TNNI3K: variants seen among roughly 807,000 people sequenced by gnomAD.
The protein encoded by TNNI3K is TNNI3 interacting kinase.
TNNI3K carries 140 observed loss-of-function variants against 114.5 expected under a neutral mutation model. The ratio of observed to expected loss-of-function variants is 1.22; its 90% CI spans 1.07 to 1.41. The LOEUF (loss-of-function observed/expected upper bound fraction) is 1.41, where lower values mean the gene tolerates loss of function less well. TNNI3K is among the 40% of genes most tolerant of loss of function. The pLI, the probability that TNNI3K is intolerant of heterozygous loss-of-function variation, is 0.00. For synonymous variants in TNNI3K, 347 were observed against 347.5 expected (o/e 1.00, Z 0.02); for missense variants, 1,125 against 1,007.6 (o/e 1.12, Z -1.58).
intron 23 of TNNI3K, among the ~76,000 whole-genome samples, chr1:74,532,260 T>C (rs1188559793): frequency 1.3e-5 from 2 of 152,164 alleles, no homozygotes; most frequent in East Asian, 1.9e-4. Flanking sequence ...AAAGTATCAT[T>C]TTTTTAAAGA....
At chr1:74,293,541 C>A (rs1017834076) in intron 5 of TNNI3K, among the ~76,000 whole-genome samples, 1 of 151,528 alleles carries the variant, frequency 6.6e-6, no homozygotes, top group Non-Finnish European at 1.5e-5. Context: ...TTTCTTGTTG[C>A]TAATGAATAA....
At chr1:74,417,682 TTGTGTGTGTGTGTGTGTG>T (rs10529693) in intron 17 of TNNI3K, among the ~76,000 whole-genome samples, 2,309 of 136,756 alleles carry the variant, frequency 0.017, 31 homozygotes, top group Middle Eastern at 0.03. Context: ...GTGTACGTGT[TTGTGTGTGTGTGTGTGTG>T]TGTGTGTGTG....
intron 17 of TNNI3K, among the ~76,000 whole-genome samples, chr1:74,419,480 T>A (rs920543972): frequency 1.3e-5 from 2 of 152,098 alleles, no homozygotes; most frequent in African/African-American, 2.4e-5. Context: ...ATTAGGGGTG[T>A]TTTCTTTGAA....
At chr1:74,431,037 A>T (rs1025383104) in intron 17 of TNNI3K, among the ~76,000 whole-genome samples, 3 of 152,170 alleles carry the variant, frequency 2.0e-5, no homozygotes, top group African/African-American at 7.2e-5. Context: ...ATTTGCACTT[A>T]AGTTGTACAG....
chr1:74,299,568 C>T (rs544101940), intron 5 of TNNI3K, among the ~76,000 whole-genome samples: 1 of 152,114 alleles, frequency 6.6e-6, no homozygotes, highest in South Asian at 2.1e-4. Context: ...AAGCACTTTA[C>T]ATTGATTATC....
chr1:74,319,880 G>C (rs499823), intron 5 of TNNI3K, among the ~76,000 whole-genome samples: 141,307 of 152,178 alleles, frequency 0.93, 65,699 homozygotes, highest in East Asian at 1. Context: ...GAAACTTTTG[G>C]AAAACTTGGC....
intron 20 of TNNI3K, among the ~76,000 whole-genome samples, chr1:74,448,553 G>A (rs982257205): frequency 8.3e-5 from 12 of 144,420 alleles, no homozygotes; most frequent in Non-Finnish European, 1.2e-4. Context: ...TTTTCAAAGG[G>A]AATGCTTCCA....
At position 74,452,166 on chromosome 1, in the gene TNNI3K, C is replaced by T. The variant is rs45591732; in HGVS notation, c.2012-11275C>T. On this transcript the variant is annotated intron_variant, in intron 20 of 24. Transcript: ENST00000326637. ...CACTTTCTGCACTCTCAGTATGTTG[C>T]ATTTCATCTGACCTCTAGGCATTTT... Among the ~76,000 whole-genome samples the T allele has an allele frequency of 5.8e-3, 879 of 152,252 alleles. 6 individuals carry two copies. The highest frequency in any genetic ancestry group is 0.02 in the African/African-American group (830 of 41,548).
At chr1:74,398,035 G>T (rs978363725) in intron 17 of TNNI3K, among the ~76,000 whole-genome samples, 20 of 152,228 alleles carry the variant, frequency 1.3e-4, no homozygotes, top group African/African-American at 4.8e-4. Context: ...AAACGTTTTA[G>T]AAAGCCTCCT....
chr1:74,441,275 A>G (rs1237954808), intron 20 of TNNI3K, among the ~76,000 whole-genome samples: 1 of 152,190 alleles, frequency 6.6e-6, no homozygotes, highest in Non-Finnish European at 1.5e-5. Flanking sequence ...TTGGCAACCA[A>G]TGACCTCATT....
intron 23 of TNNI3K, among the ~76,000 whole-genome samples, chr1:74,515,079 C>G (rs1010717229): frequency 1.3e-5 from 2 of 152,134 alleles, no homozygotes; most frequent in Non-Finnish European, 2.9e-5. Context: ...CAGAATTTTC[C>G]TCAGAATATT....
intron 5 of TNNI3K, among the ~76,000 whole-genome samples, chr1:74,277,520 T>G (rs1656756033): frequency 1.3e-5 from 2 of 152,188 alleles, no homozygotes; most frequent in Admixed American, 6.5e-5. Flanking sequence ...AATTTCATAA[T>G]GCATTCACTA....
intron 5 of TNNI3K, among the ~76,000 whole-genome samples, chr1:74,323,438 C>G (rs1295233455): frequency 6.8e-6 from 1 of 147,560 alleles, no homozygotes; most frequent in African/African-American, 2.6e-5. Flanking sequence ...TCTTGGCCCA[C>G]TAGCACACAT....
At chr1:74,527,071 T>C (rs185994996) in intron 23 of TNNI3K, among the ~76,000 whole-genome samples, 2 of 152,334 alleles carry the variant, frequency 1.3e-5, no homozygotes, top group East Asian at 1.9e-4. Flanking sequence ...TCTATATTTG[T>C]TCAAGTCACG....
chr1:74,246,489 G>A (rs1301251500), intron 2 of TNNI3K, among the ~76,000 whole-genome samples: 2 of 152,192 alleles, frequency 1.3e-5, no homozygotes, highest in Non-Finnish European at 2.9e-5. Flanking sequence ...TGAGAATGTT[G>A]ATGGACAATG....
intron 23 of TNNI3K, among the ~76,000 whole-genome samples, chr1:74,539,178 G>A (rs1646696332): frequency 6.6e-6 from 1 of 152,176 alleles, no homozygotes. Context: ...ATATTTTGGA[G>A]GCAGAGCTAA....
chr1:74,344,074 T>C (rs1370267975), intron 9 of TNNI3K, among the ~76,000 whole-genome samples: 4 of 152,194 alleles, frequency 2.6e-5, no homozygotes, highest in Admixed American at 6.5e-5. Flanking sequence ...TTGTATTGCA[T>C]TGATGAATAA....
intron 23 of TNNI3K, among the ~76,000 whole-genome samples, chr1:74,506,803 CT>C (rs1669927358): frequency 6.6e-6 from 1 of 151,888 alleles, no homozygotes; most frequent in Non-Finnish European, 1.5e-5. Context: ...GATTTTTTTC[CT>C]TCTCCAAGGT....
chr1:74,349,331 A>G (rs1661199024), intron 9 of TNNI3K, among the ~76,000 whole-genome samples: 2 of 152,170 alleles, frequency 1.3e-5, no homozygotes, highest in Admixed American at 6.5e-5. Context: ...CCACTTGATC[A>G]TGGTGGATAA....
Sources: gnomAD v4.1 joint callset for allele counts (sites outside exome capture counted in the v4.1 genomes callset) on GRCh38, gnomAD v4.1.1 for gene constraint, MANE v1.5 for transcripts, NCBI Gene and HGNC (gene_info 2026-07-23, HGNC 2026-07-21) for gene names.